PLD5: variants seen among roughly 807,000 people sequenced by gnomAD.
The protein encoded by PLD5 is inactive phospholipase D5.
In PLD5, 36 loss-of-function variants were observed where a neutral mutation model predicts 61.1. The ratio of observed to expected loss-of-function variants is 0.59; its 90% CI spans 0.45 to 0.78. The LOEUF (loss-of-function observed/expected upper bound fraction) is 0.78. Among genes scored for constraint, PLD5 ranks in the 30% least tolerant of loss-of-function variants. The probability of loss-of-function intolerance (pLI) is 0.00; values close to 1 mark genes in which losing one functional copy is unlikely to be tolerated. For synonymous variants in PLD5, 243 were observed against 242.8 expected (o/e 1.00, Z -0.01); for missense variants, 515 against 644.4 (o/e 0.80, Z 2.17).
At chr1:242,394,574 GTA>G (rs1468247049) in intron 1 of PLD5, among the ~76,000 whole-genome samples, 1 of 5,450 alleles carries the variant, frequency 1.8e-4, no homozygotes, top group Admixed American at 4.1e-3. Flanking sequence ...ATATATATGT[GTA>G]TATATGTGAA....
At chr1:242,318,391 G>A (rs980188849) in intron 2 of PLD5, among the ~76,000 whole-genome samples, 25 of 152,238 alleles carry the variant, frequency 1.6e-4, no homozygotes, top group African/African-American at 5.5e-4. Context: ...CCTGCCAAAC[G>A]CTGCCAGTGG....
Position 242,524,576 on chromosome 1 carries a change from G to T in PLD5, c.-300C>A, listed in dbSNP as rs1217248502. 17 of 240,138 alleles carry T rather than the reference G, an allele frequency of 7.1e-5. No individual in the cohort carries two copies. The allele number at this position is 240,138 out of a possible 1,614,324, so 14.9% of individuals were successfully genotyped here. A position where few individuals can be genotyped will look rare whatever the true frequency, so the allele number is the denominator to read the frequency against. Reference sequence around the variant, plus strand: ...CGGACGGGGAGAAGGGGGACGAGAGGGGACAGGGAGGGAAAGGAACCTGCT... The same window carrying T: ...CGGACGGGGAGAAGGGGGACGAGAGTGGACAGGGAGGGAAAGGAACCTGCT... On this transcript the variant is annotated 5_prime_UTR_variant, in exon 1 of 10. Transcript: ENST00000536534.
intron 4 of PLD5, among the ~76,000 whole-genome samples, chr1:242,236,526 C>T (rs1671648999): frequency 6.6e-6 from 1 of 151,130 alleles, no homozygotes; most frequent in Non-Finnish European, 1.5e-5. Flanking sequence ...ATTACTTTTG[C>T]TTTTGAAAAA....
At chr1:242,352,451 T>C (rs1660531211) in intron 1 of PLD5, among the ~76,000 whole-genome samples, 1 of 152,236 alleles carries the variant, frequency 6.6e-6, no homozygotes. Flanking sequence ...CATTCATCTG[T>C]TGATGGGCAC....
intron 1 of PLD5, among the ~76,000 whole-genome samples, chr1:242,445,578 G>T (rs1476240286): frequency 6.6e-6 from 1 of 152,006 alleles, no homozygotes; most frequent in Admixed American, 6.6e-5. Flanking sequence ...CTGACCTCAG[G>T]CCATCCACCC....
At chr1:242,156,777 C>T (rs950381841) in intron 5 of PLD5, among the ~76,000 whole-genome samples, 6 of 152,060 alleles carry the variant, frequency 3.9e-5, no homozygotes, top group African/African-American at 1.5e-4. Context: ...CTCTGGCTGC[C>T]CTTAACATTT....
At position 242,356,756 on chromosome 1, in the gene PLD5, T is replaced by C. The variant is rs189469222; in HGVS notation, c.190-8514A>G. Among the ~76,000 whole-genome samples, 5 of 152,244 alleles carry C rather than the reference T, an allele frequency of 3.3e-5. No homozygotes were observed. In the East Asian group the frequency reaches 5.8e-4, roughly 18 times the overall value. ...ACTTTCCTAGAATATCTTACACTTATAACAGTCTACTTCAAACTGATAACA... is the reference window on the plus strand; with the variant it reads ...ACTTTCCTAGAATATCTTACACTTACAACAGTCTACTTCAAACTGATAACA... On this transcript the variant is annotated intron_variant, in intron 1 of 9. Coordinates refer to ENST00000536534, the MANE Select transcript of PLD5 (RefSeq NM_001372062.1).
chr1:242,089,414 G>T lies in PLD5; in HGVS notation c.*440C>A. 9 of 396,742 alleles carry T rather than the reference G, an allele frequency of 2.3e-5. No homozygotes were observed. Among genetic ancestry groups the T allele is most frequent in the Admixed American group, 1.3e-4 (3 of 22,724 alleles). The allele number at this position is 396,742 out of a possible 1,614,324, so 24.6% of individuals were successfully genotyped here. The stretch of plus-strand genomic sequence containing the variant: ...TGTAGGTCTTGGAGACGATTTACAA[G>T]AATAAACACTTGGTTTTATCAGTCT... On this transcript the variant is annotated 3_prime_UTR_variant, in exon 10 of 10. Coordinates refer to ENST00000536534, the MANE Select transcript of PLD5 (RefSeq NM_001372062.1).
intron 7 of PLD5, among the ~76,000 whole-genome samples, chr1:242,108,259 G>A (rs188489057): frequency 8.7e-5 from 13 of 149,586 alleles, no homozygotes; most frequent in Non-Finnish European, 1.5e-4. Flanking sequence ...GATTGTCCCC[G>A]AAATGAACTT....
rs1558205462 is a variant in PLD5 at position 242,089,603 on chromosome 1, T to C, written c.*251A>G. On this transcript the variant is annotated 3_prime_UTR_variant, in exon 10 of 10. Coordinates refer to ENST00000536534, the MANE Select transcript of PLD5 (RefSeq NM_001372062.1). Reference sequence around the variant, plus strand: ...AGGAATGAAAGTCTTAAAATTTGTATGCAAACGTAAAAACTAACTTCTACG... The same window carrying C: ...AGGAATGAAAGTCTTAAAATTTGTACGCAAACGTAAAAACTAACTTCTACG... 1.4e-5 allele frequency: 8 copies of C among 557,396 alleles called. No individual in the cohort carries two copies. Among genetic ancestry groups the C allele is most frequent in the Admixed American group, 3.4e-5 (1 of 29,662 alleles). 34.5% of individuals were successfully genotyped at this position (557,396 alleles called of 1,614,324 possible). A position where few individuals can be genotyped will look rare whatever the true frequency, so the allele number is the denominator to read the frequency against.
At chr1:242,181,142 G>A (rs575492658) in intron 5 of PLD5, among the ~76,000 whole-genome samples, 42 of 152,216 alleles carry the variant, frequency 2.8e-4, no homozygotes, top group East Asian at 1.2e-3. Context: ...AAATCACCTG[G>A]GGTGATTTGA....
At chr1:242,205,948 G>C (rs1291305038) in intron 5 of PLD5, among the ~76,000 whole-genome samples, 1 of 152,208 alleles carries the variant, frequency 6.6e-6, no homozygotes, top group Non-Finnish European at 1.5e-5. Context: ...GTTAATGTCA[G>C]GCTATGACCT....
chr1:242,329,900 T>G (rs565249007), intron 2 of PLD5, among the ~76,000 whole-genome samples: 1 of 152,312 alleles, frequency 6.6e-6, no homozygotes, highest in African/African-American at 2.4e-5. Flanking sequence ...TTGAGTATCT[T>G]AGCTAAGATC....
intron 6 of PLD5, among the ~76,000 whole-genome samples, chr1:242,122,273 A>G (rs571267479): frequency 6.6e-6 from 1 of 152,318 alleles, no homozygotes; most frequent in Admixed American, 6.5e-5. Flanking sequence ...GAAATACATT[A>G]GCTTTAAAAT....
chr1:242,322,307 ACTCTT>A (rs1266699231), intron 2 of PLD5, among the ~76,000 whole-genome samples: 1 of 151,658 alleles, frequency 6.6e-6, no homozygotes, highest in Non-Finnish European at 1.5e-5. Flanking sequence ...CCATGTCACC[ACTCTT>A]CTTCCACCTG....
intron 1 of PLD5, among the ~76,000 whole-genome samples, chr1:242,348,808 A>G (rs550618919): frequency 6.6e-6 from 1 of 152,230 alleles, no homozygotes; most frequent in East Asian, 1.9e-4. Flanking sequence ...TAATCCTAGC[A>G]CTTTGGGAGG....
chr1:242,242,428 G>A (rs1361405907), intron 4 of PLD5, among the ~76,000 whole-genome samples: 1 of 152,112 alleles, frequency 6.6e-6, no homozygotes, highest in Non-Finnish European at 1.5e-5. Context: ...GCCATAAACA[G>A]ATTTCTTAGG....
intron 1 of PLD5, among the ~76,000 whole-genome samples, chr1:242,412,258 C>G (rs948838676): frequency 6.6e-6 from 1 of 152,232 alleles, no homozygotes; most frequent in Non-Finnish European, 1.5e-5. Context: ...CACCTCCCAT[C>G]CCATCATGGC....
At chr1:242,210,786 A>C (rs999356066) in intron 5 of PLD5, 1 of 152,228 alleles carries the variant, frequency 6.6e-6, no homozygotes, top group Non-Finnish European at 1.5e-5. Context: ...TTTTGGACTC[A>C]GCCTGCCTGC....
Sources: allele counts gnomAD v4.1 joint callset (sites outside exome capture counted in the v4.1 genomes callset), GRCh38; gene constraint gnomAD v4.1.1; transcripts MANE v1.5; gene names NCBI Gene and HGNC (gene_info 2026-07-23, HGNC 2026-07-21).